Variants in NUS1 observed in about 807,000 individuals in gnomAD.
NUS1 encodes the protein NUS1 dehydrodolichyl diphosphate synthase subunit.
For synonymous variants in NUS1, 135 were observed against 155.2 expected (o/e 0.87, Z 0.97); for missense variants, 292 against 382.9 (o/e 0.76, Z 1.98).
intron 3 of NUS1, 36 bp from the exon 4 acceptor site, chr6:117,703,569 G>A: frequency 1.4e-6 from 2 of 1,386,280 alleles, no homozygotes; most frequent in Non-Finnish European, 2.1e-6. Flanking sequence ...CACATGCAGT[G>A]CATGTTAAGT....
intron 3 of NUS1, among the ~76,000 whole-genome samples, chr6:117,698,757 T>A (rs1773356810): frequency 6.6e-6 from 1 of 152,100 alleles, no homozygotes. Flanking sequence ...TAAATGTTCA[T>A]GAAGAAATCC....
intron 1 of NUS1, among the ~76,000 whole-genome samples, chr6:117,678,677 G>GTT (rs34349121): frequency 5.9e-4 from 59 of 100,316 alleles, no homozygotes; most frequent in East Asian, 1.2e-3. Context: ...TTTTTCAGTG[G>GTT]TTTTTTTTTT....
chr6:117,697,639 G>T (rs922206123), intron 3 of NUS1, among the ~76,000 whole-genome samples: 3 of 151,900 alleles, frequency 2.0e-5, no homozygotes, highest in African/African-American at 7.3e-5. Flanking sequence ...CCCAACATTG[G>T]AGAACCCAGA....
chr6:117,682,354 G>A (rs147642051), intron 1 of NUS1, among the ~76,000 whole-genome samples: 35 of 152,220 alleles, frequency 2.3e-4, no homozygotes, highest in Middle Eastern at 3.4e-3. Context: ...AATCCCAGCA[G>A]TTTAGGAGGC....
Position 117,675,765 on chromosome 6 carries a change from C to T in NUS1, c.95C>T (p.Thr32Ile). The stretch of plus-strand genomic sequence containing the variant: ...TCCTGGCTCCGCGTTCGGTTCGGCA[C>T]CTGGAACTGGATCTGGCGGCGCTGC... ...LTSWLRVRFGTWNWIWRRCCR... is the reference protein window; with the variant it reads ...LTSWLRVRFGIWNWIWRRCCR... Residue 32 changes from threonine (T) to isoleucine (I), a missense_variant, in exon 1 of 5, where the codon ACC (threonine) becomes ATC (isoleucine). Physicochemically the swap from Thr to Ile is moderately conservative, Grantham distance 89 (BLOSUM62 -1). Transcript: ENST00000368494. 23 of 1,558,190 alleles carry T rather than the reference C, an allele frequency of 1.5e-5. No homozygotes were observed. The highest frequency in any genetic ancestry group is 1.9e-5 in the Non-Finnish European group (22 of 1,155,590).
intron 3 of NUS1, among the ~76,000 whole-genome samples, chr6:117,700,794 C>T (rs561102062): frequency 3.4e-4 from 52 of 152,272 alleles, no homozygotes; most frequent in Middle Eastern, 6.8e-3. Flanking sequence ...AAGATCCTGT[C>T]ATTTGCAGCA....
intron 1 of NUS1, among the ~76,000 whole-genome samples, chr6:117,679,992 C>T (rs1327784068): frequency 6.6e-6 from 1 of 152,158 alleles, no homozygotes; most frequent in African/African-American, 2.4e-5. Flanking sequence ...TCCTACACCC[C>T]TTTGCTCTCA....
At chr6:117,696,693 C>T (rs1020269586) in intron 3 of NUS1, among the ~76,000 whole-genome samples, 7 of 152,028 alleles carry the variant, frequency 4.6e-5, no homozygotes, top group East Asian at 1.9e-4. Context: ...CCTTCAAACA[C>T]GAAGAAGAAA....
chr6:117,696,147 T>A (rs1397290835), intron 3 of NUS1, among the ~76,000 whole-genome samples: 1 of 151,978 alleles, frequency 6.6e-6, no homozygotes. Flanking sequence ...GTTGACATAC[T>A]GAAAATGCAT....
intron 1 of NUS1, among the ~76,000 whole-genome samples, chr6:117,689,497 A>G (rs1418286601): frequency 1.3e-5 from 2 of 152,176 alleles, no homozygotes; most frequent in African/African-American, 4.8e-5. Flanking sequence ...TTGATTTTTA[A>G]TAAACTTGTA....
intron 1 of NUS1, among the ~76,000 whole-genome samples, chr6:117,676,446 C>T (rs1186637522): frequency 6.6e-6 from 1 of 152,138 alleles, no homozygotes; most frequent in Non-Finnish European, 1.5e-5. Context: ...GGCGTGGTGG[C>T]ATATGCCTGT....
chr6:117,688,603 C>G (rs1773173641), intron 1 of NUS1, among the ~76,000 whole-genome samples: 1 of 152,068 alleles, frequency 6.6e-6, no homozygotes, highest in Non-Finnish European at 1.5e-5. Context: ...TAAAGTCCTG[C>G]TCCTTTTAAT....
At chr6:117,685,428 G>C (rs1773122769) in intron 1 of NUS1, among the ~76,000 whole-genome samples, 1 of 151,700 alleles carries the variant, frequency 6.6e-6, no homozygotes, top group African/African-American at 2.4e-5. Context: ...GCCCAGGCTG[G>C]AGTGCAGTGG....
At chr6:117,688,578 A>G (rs1412537771) in intron 1 of NUS1, among the ~76,000 whole-genome samples, 1 of 152,062 alleles carries the variant, frequency 6.6e-6, no homozygotes, top group African/African-American at 2.4e-5. Flanking sequence ...CTTAAGTGCA[A>G]GTAAGTTATA....
At chr6:117,702,288 C>T (rs529960002) in intron 3 of NUS1, among the ~76,000 whole-genome samples, 1 of 152,284 alleles carries the variant, frequency 6.6e-6, no homozygotes, top group South Asian at 2.1e-4. Context: ...TTCTTGCCTA[C>T]ACCCTCCAGT....
intron 4 of NUS1, among the ~76,000 whole-genome samples, chr6:117,705,870 A>G (rs1009918970): frequency 1.3e-5 from 2 of 152,228 alleles, no homozygotes; most frequent in Admixed American, 1.3e-4. Context: ...TAAGGTTGAT[A>G]GCAGAGATTA....
At chr6:117,684,705 G>A (rs144827068) in intron 1 of NUS1, among the ~76,000 whole-genome samples, 1 of 152,092 alleles carries the variant, frequency 6.6e-6, no homozygotes, top group Admixed American at 6.5e-5. Context: ...TACTTTCCTC[G>A]AATGTGATGA....
Position 117,703,532 on chromosome 6 carries a change from C to T in NUS1, c.692-73C>T, listed in dbSNP as rs374305883. On this transcript the variant is annotated intron_variant, in intron 3 of 4. Coordinates refer to ENST00000368494, the MANE Select transcript of NUS1 (RefSeq NM_138459.5). ...TTGATTAATACATTTTGCCCATGAT[C>T]TGTGTGTTTCTGTGTGTGTGTGTGT... The T allele has an allele frequency of 3.7e-6, 4 of 1,084,682 alleles. No individual in the cohort carries two copies. The African/African-American group carries it at 6.2e-5, about 17-fold the overall frequency. The allele number at this position is 1,084,682 out of a possible 1,614,324, so 67.2% of individuals were successfully genotyped here.
chr6:117,685,370 T>A (rs75169977), intron 1 of NUS1, among the ~76,000 whole-genome samples: 1,542 of 152,212 alleles, frequency 0.01, 30 homozygotes, highest in African/African-American at 0.036. Context: ...ATTTGATATA[T>A]CTTTTCTTTC....
Sources: allele counts gnomAD v4.1 joint callset (sites outside exome capture counted in the v4.1 genomes callset), GRCh38; gene constraint gnomAD v4.1.1; transcripts MANE v1.5; gene names NCBI Gene and HGNC (gene_info 2026-07-23, HGNC 2026-07-21).